NAALADL2: variants seen among roughly 807,000 people sequenced by gnomAD.
The protein encoded by NAALADL2 is inactive N-acetylated-alpha-linked acidic dipeptidase-like protein 2.
A neutral mutation model predicts 87.2 loss-of-function variants in NAALADL2; 76 were observed. The ratio of observed to expected loss-of-function variants is 0.87; its 90% CI spans 0.72 to 1.05. The LOEUF is 1.05. Ranked by LOEUF, NAALADL2 falls within the 50% of genes least tolerant of loss-of-function variation. The probability of loss-of-function intolerance (pLI) is 0.00; values close to 1 mark genes in which losing one functional copy is unlikely to be tolerated. For missense variants in NAALADL2, 1,089 were observed against 945.8 expected (o/e 1.15, Z -1.99); for synonymous variants, 354 against 331.0 (o/e 1.07, Z -0.75).
At chr3:174,508,710 A>G (rs1719382607) in intron 1 of NAALADL2, among the ~76,000 whole-genome samples, 1 of 147,950 alleles carries the variant, frequency 6.8e-6, no homozygotes, top group Non-Finnish European at 1.5e-5. Context: ...AAACATTCCT[A>G]AACATTTCAT....
chr3:175,407,010 G>A (rs1385324735), intron 5 of NAALADL2, among the ~76,000 whole-genome samples: 5 of 151,844 alleles, frequency 3.3e-5, no homozygotes, highest in South Asian at 2.1e-4. Flanking sequence ...GTGAAACCCC[G>A]TCTCTACTAA....
chr3:175,662,787 T>A lies in NAALADL2; in HGVS notation c.1896+35401T>A, dbSNP rs575279705. ...GGTCTTTGATTTTCTTGATGTATTGTATCACATTCATTGATTTGTATATGT... is the reference window on the plus strand; with the variant it reads ...GGTCTTTGATTTTCTTGATGTATTGAATCACATTCATTGATTTGTATATGT... On this transcript the variant is annotated intron_variant, in intron 11 of 13. Transcript: ENST00000454872. Among the ~76,000 whole-genome samples, 307 of 152,142 alleles carry A rather than the reference T, an allele frequency of 2.0e-3. 1 individual carries two copies. Among genetic ancestry groups the A allele is most frequent in the Non-Finnish European group, 2.7e-3 (181 of 67,870 alleles).
chr3:175,786,995 C>G (rs1265134192), intron 13 of NAALADL2, among the ~76,000 whole-genome samples: 8 of 151,992 alleles, frequency 5.3e-5, no homozygotes, highest in Non-Finnish European at 1.0e-4. Flanking sequence ...AGTGCCCCTG[C>G]TGGGGGGTGC....
intron 11 of NAALADL2, among the ~76,000 whole-genome samples, chr3:175,629,796 C>T (rs996750317): frequency 1.3e-5 from 2 of 151,622 alleles, no homozygotes; most frequent in Admixed American, 6.6e-5. Flanking sequence ...GAATACATCC[C>T]GAACATATGC....
intron 1 of NAALADL2, among the ~76,000 whole-genome samples, chr3:174,963,244 A>C (rs1349782780): frequency 2.6e-5 from 4 of 152,144 alleles, no homozygotes; most frequent in Non-Finnish European, 5.9e-5. Flanking sequence ...GATATTTTTA[A>C]AAAGGTACAA....
At chr3:174,742,563 AAG>A (rs893105440) in intron 3 of NAALADL2, among the ~76,000 whole-genome samples, 14 of 151,648 alleles carry the variant, frequency 9.2e-5, no homozygotes, top group Admixed American at 9.2e-4. Context: ...AAGCACAAAA[AAG>A]AGTATTTATT....
chr3:175,576,281 TAG>T lies in NAALADL2; in HGVS notation c.1800+95_1800+96del, dbSNP rs766016103. 770 of 1,120,094 alleles carry T rather than the reference TAG, an allele frequency of 6.9e-4. 1 individual carries two copies. The highest frequency in any genetic ancestry group is 9.4e-4 in the Non-Finnish European group (737 of 782,740). The allele number at this position is 1,120,094 out of a possible 1,614,324, so 69.4% of individuals were successfully genotyped here. The stretch of plus-strand genomic sequence containing the variant: ...CTGGCTATTCAATTTTCATATCAAA[TAG>T]GTCACTATAGAAAAGCGGCTTCATT... On this transcript the variant is annotated intron_variant, in intron 10 of 13. Transcript: ENST00000454872.
intron 13 of NAALADL2, among the ~76,000 whole-genome samples, chr3:175,760,631 A>G (rs1747879962): frequency 1.3e-5 from 2 of 152,140 alleles, no homozygotes; most frequent in Admixed American, 1.3e-4. Context: ...GGGATTATGC[A>G]TTTTGTTAAG....
intron 1 of NAALADL2, among the ~76,000 whole-genome samples, chr3:174,865,898 AT>A (rs1560300446): frequency 6.6e-6 from 1 of 151,844 alleles, no homozygotes; most frequent in Non-Finnish European, 1.5e-5. Context: ...GAAACAGAGG[AT>A]TTTTCAAAAT....
chr3:175,549,034 T>A (rs902154017), intron 9 of NAALADL2, among the ~76,000 whole-genome samples: 2 of 152,178 alleles, frequency 1.3e-5, no homozygotes, highest in East Asian at 3.9e-4. Context: ...TCTAAGAAAT[T>A]CAAGCTCTCC....
chr3:174,990,648 T>A (rs1183832741), intron 1 of NAALADL2, among the ~76,000 whole-genome samples: 1 of 152,170 alleles, frequency 6.6e-6, no homozygotes, highest in Admixed American at 6.5e-5. Flanking sequence ...ATAGGAAAAA[T>A]TTCTAAAGCT....
At chr3:175,520,645 A>C (rs1044563689) in intron 9 of NAALADL2, among the ~76,000 whole-genome samples, 1 of 152,204 alleles carries the variant, frequency 6.6e-6, no homozygotes, top group Non-Finnish European at 1.5e-5. Context: ...AAGTGAGTAA[A>C]ATAGTGAATG....
At chr3:175,284,767 C>T (rs1164394141) in intron 4 of NAALADL2, among the ~76,000 whole-genome samples, 1 of 151,976 alleles carries the variant, frequency 6.6e-6, no homozygotes, top group Non-Finnish European at 1.5e-5. Context: ...TGACTGGGGA[C>T]TAACTCAGTT....
At chr3:175,170,460 AAT>A (rs1209328784) in intron 2 of NAALADL2, among the ~76,000 whole-genome samples, 1 of 146,804 alleles carries the variant, frequency 6.8e-6, no homozygotes, top group Non-Finnish European at 1.5e-5. Flanking sequence ...AAATAAATAT[AAT>A]ATATATAAAT....
chr3:174,508,338 C>T (rs886278684), intron 1 of NAALADL2, among the ~76,000 whole-genome samples: 1 of 152,084 alleles, frequency 6.6e-6, no homozygotes, highest in Non-Finnish European at 1.5e-5. Flanking sequence ...TGGTCTCGAT[C>T]TCCTGACCTT....
intron 5 of NAALADL2, among the ~76,000 whole-genome samples, chr3:175,383,701 C>T (rs1239335208): frequency 6.6e-6 from 1 of 152,048 alleles, no homozygotes; most frequent in Non-Finnish European, 1.5e-5. Context: ...TGTTCTTCCT[C>T]TCCTACACTA....
chr3:174,741,514 A>G (rs1733756638), intron 3 of NAALADL2, among the ~76,000 whole-genome samples: 1 of 151,606 alleles, frequency 6.6e-6, no homozygotes, highest in Non-Finnish European at 1.5e-5. Context: ...AACTGAAATT[A>G]TATTGTTATT....
intron 2 of NAALADL2, among the ~76,000 whole-genome samples, chr3:174,584,170 T>C (rs1716458457): frequency 6.6e-6 from 1 of 152,004 alleles, no homozygotes; most frequent in Non-Finnish European, 1.5e-5. Flanking sequence ...GGTAAAGGGG[T>C]TGAAGAATCA....
chr3:175,123,765 C>T (rs763583117), intron 2 of NAALADL2, among the ~76,000 whole-genome samples: 1 of 151,938 alleles, frequency 6.6e-6, no homozygotes, highest in Non-Finnish European at 1.5e-5. Context: ...CCTTACCAAT[C>T]TTCTATAAAA....
Sources: gnomAD v4.1 joint callset for allele counts (sites outside exome capture counted in the v4.1 genomes callset) on GRCh38, gnomAD v4.1.1 for gene constraint, MANE v1.5 for transcripts, NCBI Gene and HGNC (gene_info 2026-07-23, HGNC 2026-07-21) for gene names.